The following EYS variants were observed in gnomAD, a reference collection of about 807,000 sequenced individuals.
EYS encodes the protein EGF-like photoreceptor maintenance factor, also known as protein eyes shut homolog.
EYS carries 250 observed loss-of-function variants against 282.1 expected under a neutral mutation model. The observed-to-expected ratio is 0.89, with a 90% CI of 0.80 to 0.98. EYS has a LOEUF of 0.98. Among genes scored for constraint, EYS ranks in the 50% least tolerant of loss-of-function variants. The pLI is 0.00. For missense variants in EYS, 4,016 were observed against 3,709.0 expected (o/e 1.08, Z -2.15); for synonymous variants, 1,355 against 1,282.9 (o/e 1.06, Z -1.20).
At chr6:64,328,327 C>T (rs1170039601) in intron 29 of EYS, among the ~76,000 whole-genome samples, 3 of 152,190 alleles carry the variant, frequency 2.0e-5, no homozygotes, top group African/African-American at 7.2e-5. Context: ...GCACAACAAG[C>T]ACTCCCAATA....
intron 18 of EYS, among the ~76,000 whole-genome samples, chr6:64,898,865 A>G (rs1388634399): frequency 6.6e-6 from 1 of 152,014 alleles, no homozygotes; most frequent in East Asian, 1.9e-4. Flanking sequence ...AAAGAAGGGC[A>G]TTACATAACG....
intron 29 of EYS, among the ~76,000 whole-genome samples, chr6:64,342,088 TA>T (rs1022933612): frequency 1.3e-5 from 2 of 151,752 alleles, no homozygotes; most frequent in African/African-American, 4.8e-5. Context: ...TAAAACCATG[TA>T]AAAATATTGT....
intron 5 of EYS, chr6:65,490,076 T>C (rs892755279): frequency 6.5e-6 from 1 of 153,522 alleles, no homozygotes; most frequent in Non-Finnish European, 1.5e-5. Context: ...GGCATACCTA[T>C]GTAACAAAAT....
intron 2 of EYS, among the ~76,000 whole-genome samples, chr6:65,512,132 T>C (rs773424841): frequency 2.0e-5 from 3 of 152,096 alleles, no homozygotes; most frequent in Non-Finnish European, 2.9e-5. Flanking sequence ...TTTCCCTAAC[T>C]TTCCGGCACA....
chr6:63,943,375 A>T (rs572828586), intron 35 of EYS, among the ~76,000 whole-genome samples: 1 of 152,322 alleles, frequency 6.6e-6, no homozygotes, highest in East Asian at 1.9e-4. Context: ...GATTTTTATA[A>T]TGTGCAAAAA....
intron 26 of EYS, among the ~76,000 whole-genome samples, chr6:64,538,148 AT>A (rs1423336385): frequency 6.6e-6 from 1 of 152,144 alleles, no homozygotes; most frequent in Admixed American, 6.5e-5. Flanking sequence ...AAAGATTAAG[AT>A]TTTGGCTGGT....
chr6:65,120,068 C>G (rs939385324), intron 12 of EYS, among the ~76,000 whole-genome samples: 1 of 146,466 alleles, frequency 6.8e-6, no homozygotes, highest in African/African-American at 2.6e-5. Flanking sequence ...AGGAGAATGG[C>G]GCAAAACCGG....
intron 26 of EYS, among the ~76,000 whole-genome samples, chr6:64,551,872 T>C (rs1489912670): frequency 6.6e-6 from 1 of 152,182 alleles, no homozygotes; most frequent in East Asian, 1.9e-4. Context: ...GCACCTGTTG[T>C]TTCCTGACTT....
chr6:65,329,868 T>C (rs1582147226), intron 11 of EYS: 1 of 981,440 alleles, frequency 1.0e-6, no homozygotes. Flanking sequence ...TTTTTGAAAC[T>C]TCACCTGATT....
At chr6:64,257,359 T>C (rs1164628784) in intron 30 of EYS, among the ~76,000 whole-genome samples, 3 of 152,082 alleles carry the variant, frequency 2.0e-5, no homozygotes, top group Admixed American at 1.3e-4. Flanking sequence ...TAGTAGTTGA[T>C]AGTTGCTTGC....
intron 29 of EYS, among the ~76,000 whole-genome samples, chr6:64,387,533 T>C (rs1772952765): frequency 6.6e-6 from 1 of 152,162 alleles, no homozygotes; most frequent in Non-Finnish European, 1.5e-5. Flanking sequence ...GTTTCATCCA[T>C]TCTTTAACTG....
intron 26 of EYS, among the ~76,000 whole-genome samples, chr6:64,539,147 G>A (rs1335155606): frequency 6.6e-6 from 1 of 152,108 alleles, no homozygotes. Context: ...TTTCACTTTT[G>A]CAAGATGAAG....
At chr6:64,749,489 T>G (rs907622097) in intron 22 of EYS, among the ~76,000 whole-genome samples, 1 of 152,138 alleles carries the variant, frequency 6.6e-6, no homozygotes, top group Non-Finnish European at 1.5e-5. Flanking sequence ...CATTTGAAAA[T>G]TTATCACATG....
chr6:65,113,101 C>G (rs185114026), intron 12 of EYS, among the ~76,000 whole-genome samples: 2 of 152,120 alleles, frequency 1.3e-5, no homozygotes, highest in African/African-American at 4.8e-5. Context: ...TGCAAACCTC[C>G]TTTTAGTTGT....
chr6:65,401,852 A>T (rs1766515189), intron 7 of EYS, among the ~76,000 whole-genome samples: 1 of 151,972 alleles, frequency 6.6e-6, no homozygotes, highest in African/African-American at 2.4e-5. Context: ...TACTTGAAGC[A>T]GTCAGATAAA....
intron 15 of EYS, among the ~76,000 whole-genome samples, chr6:64,916,025 G>T (rs952005726): frequency 6.6e-6 from 1 of 151,976 alleles, no homozygotes; most frequent in Admixed American, 6.6e-5. Context: ...GAACTTCAGT[G>T]TATTTATTTT....
chr6:64,723,267 C>A (rs1175831088), intron 22 of EYS, among the ~76,000 whole-genome samples: 9 of 151,988 alleles, frequency 5.9e-5, no homozygotes. Flanking sequence ...GCATTTACAA[C>A]AGGAAAACGA....
At chr6:64,250,368 C>G (rs1582485480) in intron 30 of EYS, among the ~76,000 whole-genome samples, 2 of 152,136 alleles carry the variant, frequency 1.3e-5, no homozygotes, top group East Asian at 3.9e-4. Context: ...CACCTGGGGG[C>G]AGCTAGCAGA....
chr6:65,643,509 G>T (rs749491815), intron 1 of EYS, among the ~76,000 whole-genome samples: 1 of 152,116 alleles, frequency 6.6e-6, no homozygotes, highest in Non-Finnish European at 1.5e-5. Context: ...TTGTCCACTG[G>T]CTGAGAAACC....
Sources: allele counts gnomAD v4.1 joint callset (sites outside exome capture counted in the v4.1 genomes callset), GRCh38; gene constraint gnomAD v4.1.1; transcripts MANE v1.5; gene names NCBI Gene and HGNC (gene_info 2026-07-23, HGNC 2026-07-21).